The following ABCA13 variants were observed in gnomAD, a reference collection of about 807,000 sequenced individuals.
ABCA13 encodes ATP-binding cassette sub-family A member 13.
ABCA13 carries 476 observed loss-of-function variants against 478.7 expected under a neutral mutation model. The observed-to-expected ratio is 0.99, with a 90% CI of 0.92 to 1.07. ABCA13 has a LOEUF of 1.07. ABCA13 is among the 50% of genes least tolerant of loss of function. The pLI, the probability that ABCA13 is intolerant of heterozygous loss-of-function variation, is 0.00. For synonymous variants in ABCA13, 2,252 were observed against 2,158.9 expected, an observed-to-expected ratio of 1.04 and a Z score of -1.20; for missense variants, 6,060 against 5,910.6, an observed-to-expected ratio of 1.03 and a Z score of -0.83.
At chr7:48,391,764 A>G (rs1816086646) in intron 37 of ABCA13, among the ~76,000 whole-genome samples, 157 bp from the exon 38 acceptor site, 2 of 151,044 alleles carry the variant, frequency 1.3e-5, no homozygotes, top group African/African-American at 2.5e-5. Context: ...TGTACCCTCA[A>G]ACTACTCACA....
intron 49 of ABCA13, among the ~76,000 whole-genome samples, chr7:48,507,151 C>T (rs1441811119): frequency 6.6e-6 from 1 of 152,158 alleles, no homozygotes; most frequent in Non-Finnish European, 1.5e-5. Flanking sequence ...TGTCTGACAC[C>T]TGCCAGAATT....
At chr7:48,598,535 A>C (rs1563487506) in intron 58 of ABCA13, among the ~76,000 whole-genome samples, 2 of 152,084 alleles carry the variant, frequency 1.3e-5, no homozygotes, top group Non-Finnish European at 2.9e-5. Context: ...ATTATTTTTG[A>C]ATTGTAATAG....
chr7:48,317,253 T>C lies in ABCA13; in HGVS notation c.9956T>C (p.Leu3319Pro), dbSNP rs191000417. ...AAACCCATATTGCATGGAAAAATAC[T>C]ATACACACCAAACACTCCAGAAATT... ...FLKPILHGKILYTPNTPEINK... is the reference protein window; with the variant it reads ...FLKPILHGKIPYTPNTPEINK... Residue 3319 changes from leucine to proline, a missense_variant, in exon 27 of 62, where the codon CTA becomes CCA. By Grantham distance (98) the Leu-to-Pro change is moderately conservative. Around this residue, in one of 3 missense-constraint regions of ABCA13, gnomAD observed 4,423 missense variants for 4,309.1 expected, o/e 1.03. Transcript: ENST00000435803. 3.1e-6 allele frequency: 5 copies of C among 1,613,674 alleles called. No homozygotes were observed. The highest frequency in any genetic ancestry group is 4.2e-6 in the Non-Finnish European group (5 of 1,179,838).
chr7:48,499,225 G>A (rs1830526718), intron 48 of ABCA13, among the ~76,000 whole-genome samples: 2 of 152,152 alleles, frequency 1.3e-5, no homozygotes, highest in South Asian at 4.1e-4. Context: ...CTTGTAGTCA[G>A]AAGAACGCAT....
intron 29 of ABCA13, among the ~76,000 whole-genome samples, chr7:48,349,147 A>G (rs192074995): frequency 6.6e-6 from 1 of 152,370 alleles, no homozygotes; most frequent in Admixed American, 6.5e-5. Context: ...CACAAGACTG[A>G]CACTCATACA....
Position 48,516,764 on chromosome 7 carries a change from C to A in ABCA13, c.13680C>A (p.Ile4560=), listed in dbSNP as rs765561050. The A allele has an allele frequency of 1.2e-6, 2 of 1,613,696 alleles. No homozygotes were observed. Among genetic ancestry groups the A allele is most frequent in the African/African-American group, 2.7e-5 (2 of 74,916 alleles). ...TLPWMYLMSR[I]FSSSDVAFIS... is the part of the protein sequence containing the mutation. ...CATGGATGTACCTGATGTCCAGAATCTTTTCCAGTTCGGACGTGGCTTTCA... is the reference window on the plus strand; with the variant it reads ...CATGGATGTACCTGATGTCCAGAATATTTTCCAGTTCGGACGTGGCTTTCA... The change falls in exon 52 of 62, where the codon ATC becomes ATA. Residue 4560 remains isoleucine (I), a synonymous_variant. Transcript: ENST00000435803.
intron 55 of ABCA13, among the ~76,000 whole-genome samples, chr7:48,555,656 T>C (rs770844744): frequency 2.0e-5 from 3 of 152,010 alleles, no homozygotes; most frequent in Non-Finnish European, 1.5e-5. Flanking sequence ...TGGTATCAGT[T>C]GTAATTTCTC....
At position 48,272,882 on chromosome 7, in the gene ABCA13, T is replaced by C. The variant is rs2128750982; in HGVS notation, c.3216T>C (p.Asp1072=). Residue 1072 remains aspartate (D), a synonymous_variant, in exon 17 of 62, where the codon GAT becomes GAC. Coordinates refer to ENST00000435803, the MANE Select transcript of ABCA13 (RefSeq NM_152701.5). ...LTGLKQLLII[D]EDFRISLFQY... Reference sequence around the variant, plus strand: ...GCCTCAAACAGCTGCTCATAATTGATGAAGATTTTCGTATTTCTTTATTTC... The same window carrying C: ...GCCTCAAACAGCTGCTCATAATTGACGAAGATTTTCGTATTTCTTTATTTC... The C allele has an allele frequency of 6.2e-7, 1 of 1,608,744 alleles. No homozygotes were observed. The highest frequency in any genetic ancestry group is 2.2e-5 in the East Asian group (1 of 44,738).
Position 48,253,042 on chromosome 7 carries a change from G to C in ABCA13, c.2005+3691G>C, listed in dbSNP as rs1314881761. ...ATGTGTATTCCCTAAGCCTAAGTGTGTGTTTTTATTCCACTTCCCTGCATA... is the reference window on the plus strand; with the variant it reads ...ATGTGTATTCCCTAAGCCTAAGTGTCTGTTTTTATTCCACTTCCCTGCATA... On this transcript the variant is annotated intron_variant, in intron 15 of 61. Transcript: ENST00000435803. Among the ~76,000 whole-genome samples the C allele has an allele frequency of 2.6e-5, 4 of 152,154 alleles. No homozygotes were observed. The East Asian group carries it at 7.7e-4, about 29-fold the overall frequency.
At position 48,278,365 on chromosome 7, in the gene ABCA13, C is replaced by A; in HGVS notation, c.7171C>A (p.Gln2391Lys). Reference sequence around the variant, plus strand: ...TATAGACTTTTTCACAGTGGTGAGTCAGTTGTTTTTCCATGTGAATAAGTC... The same window carrying A: ...TATAGACTTTTTCACAGTGGTGAGTAAGTTGTTTTTCCATGTGAATAAGTC... Reference protein sequence around the residue: ...NNIDFFTVVSQLFFHVNKSED... With the variant: ...NNIDFFTVVSKLFFHVNKSED... The change falls in exon 18 of 62, where the codon CAG (glutamine) becomes AAG (lysine). Residue 2391 changes from glutamine (Q) to lysine (K), a missense_variant. Coordinates refer to ENST00000435803, the MANE Select transcript of ABCA13 (RefSeq NM_152701.5). The A allele has an allele frequency of 6.2e-7, 1 of 1,613,642 alleles. No individual in the cohort carries two copies. The highest frequency in any genetic ancestry group is 1.1e-5 in the South Asian group (1 of 91,052).
chr7:48,293,708 G>A (rs1798913923), intron 20 of ABCA13, among the ~76,000 whole-genome samples: 1 of 152,048 alleles, frequency 6.6e-6, no homozygotes, highest in Non-Finnish European at 1.5e-5. Flanking sequence ...TCCACATATG[G>A]TGTTTTGCAT....
chr7:48,566,202 CA>C (rs1787047144), intron 55 of ABCA13, among the ~76,000 whole-genome samples: 1 of 152,066 alleles, frequency 6.6e-6, no homozygotes, highest in African/African-American at 2.4e-5. Flanking sequence ...GTGCTCCAAA[CA>C]TTTTATTTAA....
chr7:48,273,023 A>T lies in ABCA13; in HGVS notation c.3357A>T (p.Ser1119=). The change falls in exon 17 of 62, where the codon TCA becomes TCT. Residue 1119 remains serine (S), a synonymous_variant. Coordinates refer to ENST00000435803, the MANE Select transcript of ABCA13 (RefSeq NM_152701.5). ...SVNYSTSEES[S]FVFPLAQIFS... ...ATTATTCAACAAGTGAGGAGTCTTC[A>T]TTTGTTTTTCCATTGGCACAAATTT... 2 of 1,613,698 alleles carry T rather than the reference A, an allele frequency of 1.2e-6. No individual in the cohort carries two copies. The highest frequency in any genetic ancestry group is 1.7e-6 in the Non-Finnish European group (2 of 1,179,734).
At chr7:48,594,932 A>C in intron 58 of ABCA13, 119 bp downstream of exon 58, 1 of 797,556 alleles carries the variant, frequency 1.3e-6, no homozygotes, top group South Asian at 1.9e-5. Context: ...TTACAACACA[A>C]TAATGGTGAT....
intron 50 of ABCA13, among the ~76,000 whole-genome samples, chr7:48,508,496 A>G (rs1198952769): frequency 1.3e-5 from 2 of 152,100 alleles, no homozygotes; most frequent in African/African-American, 2.4e-5. Context: ...CAGTTTCCCA[A>G]TGGAAACCCT....
chr7:48,626,753 G>A (rs1332210755), intron 59 of ABCA13: 2 of 985,640 alleles, frequency 2.0e-6, no homozygotes, highest in Non-Finnish European at 2.4e-6. Context: ...TTTGGGACAT[G>A]GAAAGATAGT....
intron 51 of ABCA13, 95 bp from the exon 52 acceptor site, chr7:48,516,630 G>A: frequency 8.0e-7 from 1 of 1,243,510 alleles, no homozygotes; most frequent in Non-Finnish European, 1.1e-6. Flanking sequence ...GCATTTTCAG[G>A]GATTCACCCC....
chr7:48,223,191 G>A (rs1373835138), intron 5 of ABCA13, among the ~76,000 whole-genome samples: 4 of 152,132 alleles, frequency 2.6e-5, no homozygotes, highest in African/African-American at 9.7e-5. Context: ...GAGGGGAGAG[G>A]AGGAGAGGGT....
At chr7:48,228,830 A>C (rs1788636703) in intron 6 of ABCA13, among the ~76,000 whole-genome samples, 1 of 152,238 alleles carries the variant, frequency 6.6e-6, no homozygotes, top group Non-Finnish European at 1.5e-5. Flanking sequence ...CGAAGCTCTG[A>C]CTGTGTTAGC....
Sources: gnomAD v4.1 joint callset for allele counts (sites outside exome capture counted in the v4.1 genomes callset) on GRCh38, gnomAD v4.1.1 for gene constraint, gnomAD v4.1.1 regional missense constraint, MANE v1.5 for transcripts, NCBI Gene and HGNC (gene_info 2026-07-23, HGNC 2026-07-21) for gene names.